ARHGAP8: variants seen among roughly 807,000 people sequenced by gnomAD.
ARHGAP8 encodes Rho GTPase activating protein 8, also known as rho GTPase-activating protein 8.
A neutral mutation model predicts 46.1 loss-of-function variants in ARHGAP8; 62 were observed. That is an observed-to-expected ratio of 1.34 (90% CI 1.10 to 1.66). The LOEUF (loss-of-function observed/expected upper bound fraction) is 1.66, where lower values mean the gene tolerates loss of function less well. Among genes scored for constraint, ARHGAP8 ranks in the 40% most tolerant of loss-of-function variants. The probability of loss-of-function intolerance (pLI) is 0.00; values close to 1 mark genes in which losing one functional copy is unlikely to be tolerated. For synonymous variants in ARHGAP8, 375 were observed against 243.1 expected, an observed-to-expected ratio of 1.54 and a Z score of -5.05; for missense variants, 923 against 568.4, an observed-to-expected ratio of 1.62 and a Z score of -6.34.
At chr22:44,862,251 T>C in intron 11 of ARHGAP8, 24 bp from the exon 12 acceptor site, 1 of 1,560,828 alleles carries the variant, frequency 6.4e-7, no homozygotes, top group Non-Finnish European at 8.7e-7. Context: ...TCACTCCCCT[T>C]TACTTGTGTG....
intron 1 of ARHGAP8, among the ~76,000 whole-genome samples, chr22:44,783,076 C>A (rs1201793543): frequency 6.6e-6 from 1 of 151,672 alleles, no homozygotes; most frequent in African/African-American, 2.4e-5. Context: ...TCCCTCCCTC[C>A]CTCTGGGCCA....
chr22:44,801,724 A>C (rs1928566554), intron 2 of ARHGAP8: 1 of 248,358 alleles, frequency 4.0e-6, no homozygotes, highest in African/African-American at 2.2e-5. Flanking sequence ...TTGGAGGAGG[A>C]GGTAGAGTGG....
At chr22:44,775,208 A>G (rs1926333656) in intron 1 of ARHGAP8, among the ~76,000 whole-genome samples, 1 of 152,200 alleles carries the variant, frequency 6.6e-6, no homozygotes, top group Non-Finnish European at 1.5e-5. Context: ...TGAAAGGAGA[A>G]TGAGCACTCT....
At chr22:44,801,469 G>GC (rs1195539811) in intron 2 of ARHGAP8, among the ~76,000 whole-genome samples, 1 of 56,252 alleles carries the variant, frequency 1.8e-5, no homozygotes, top group African/African-American at 6.5e-5. Flanking sequence ...GTGTGTGGGG[G>GC]CACCTCTCCC....
chr22:44,862,715 T>G lies in ARHGAP8; in HGVS notation c.*120T>G. On this transcript the variant is annotated 3_prime_UTR_variant, in exon 12 of 12. Transcript: ENST00000356099. ...ATTAGATGAATTCAGAACCTTCTAA[T>G]GAAAACTCCATGCCTCTGGTCCTTG... is the stretch of plus-strand genomic sequence containing the variant. The G allele has an allele frequency of 8.1e-7, 1 of 1,240,058 alleles. No homozygotes were observed. The allele number at this position is 1,240,058 out of a possible 1,614,324, so 76.8% of individuals were successfully genotyped here.
In ARHGAP8 at chr22:44,805,656, G is replaced by A. The variant is rs143069574; in HGVS notation, c.168-2651G>A. On this transcript the variant is annotated intron_variant, in intron 3 of 11. Coordinates refer to ENST00000356099, the MANE Select transcript of ARHGAP8 (RefSeq NM_181335.3). ...ACCTGGTGCTTTTTTCACTCAGCGT[G>A]GGACAAGCATCTGCCCAGAGGAAAA... Among the ~76,000 whole-genome samples the A allele has an allele frequency of 2.0e-3, 310 of 152,290 alleles. 3 individuals are homozygous for A. Among genetic ancestry groups the A allele is most frequent in the African/African-American group, 6.9e-3 (285 of 41,556 alleles).
chr22:44,753,410 A>G (rs1218786875), intron 1 of ARHGAP8, among the ~76,000 whole-genome samples: 1 of 151,966 alleles, frequency 6.6e-6, no homozygotes, highest in Non-Finnish European at 1.5e-5. Context: ...TAGTACAGAC[A>G]GGGTTTCACC....
chr22:44,858,285 ATGTGGCTGAG>A (rs2070295925), intron 10 of ARHGAP8, among the ~76,000 whole-genome samples: 1 of 151,810 alleles, frequency 6.6e-6, no homozygotes, highest in South Asian at 2.1e-4. Flanking sequence ...ATAGGCATGC[ATGTGGCTGAG>A]TGCACACATG....
chr22:44,784,771 T>A (rs1927092480), intron 1 of ARHGAP8, among the ~76,000 whole-genome samples: 1 of 152,230 alleles, frequency 6.6e-6, no homozygotes, highest in Non-Finnish European at 1.5e-5. Context: ...CTGGGAGGCC[T>A]CTGTTCTGCC....
chr22:44,861,402 T>C (rs188223048), intron 11 of ARHGAP8, among the ~76,000 whole-genome samples: 1 of 152,192 alleles, frequency 6.6e-6, no homozygotes, highest in Non-Finnish European at 1.5e-5. Context: ...GGCCTCGGCT[T>C]GAGGAGGGGT....
At chr22:44,859,590 T>C (rs1226879500) in intron 10 of ARHGAP8, 141 bp from the exon 11 acceptor site, 3 of 806,456 alleles carry the variant, frequency 3.7e-6, no homozygotes, top group East Asian at 2.7e-5. Context: ...GGCCAGAAGA[T>C]AAGTGGGGGT....
chr22:44,810,539 C>T (rs574847770), intron 4 of ARHGAP8, among the ~76,000 whole-genome samples: 6 of 152,308 alleles, frequency 3.9e-5, no homozygotes, highest in South Asian at 2.1e-4. Flanking sequence ...TGTGCCCAGC[C>T]GGCAGGCTTT....
intron 5 of ARHGAP8, among the ~76,000 whole-genome samples, chr22:44,817,108 G>A (rs563372034): frequency 6.6e-6 from 1 of 151,170 alleles, no homozygotes; most frequent in Non-Finnish European, 1.5e-5. Context: ...CTGGTCTCAA[G>A]CTCCTGACCT....
At chr22:44,837,580 C>A (rs1931371215) in intron 7 of ARHGAP8, among the ~76,000 whole-genome samples, 1 of 152,180 alleles carries the variant, frequency 6.6e-6, no homozygotes, top group Non-Finnish European at 1.5e-5. Flanking sequence ...CCCTGGGCAT[C>A]CCCACCCAGC....
intron 8 of ARHGAP8, among the ~76,000 whole-genome samples, chr22:44,846,304 T>C (rs556898666): frequency 1.2e-4 from 18 of 152,340 alleles, no homozygotes; most frequent in Non-Finnish European, 2.4e-4. Flanking sequence ...ATTTCCTCTT[T>C]GGAGCAGGCC....
chr22:44,774,576 G>A (rs889199732), intron 1 of ARHGAP8, among the ~76,000 whole-genome samples: 9 of 143,348 alleles, frequency 6.3e-5, no homozygotes, highest in Non-Finnish European at 1.0e-4. Flanking sequence ...AGGCTGGAGT[G>A]CAATGGCACA....
At position 44,786,547 on chromosome 22, in the gene ARHGAP8, C is replaced by T. The variant is rs201858623; in HGVS notation, c.20C>T (p.Ala7Val). The change falls in exon 2 of 12, where the codon GCG becomes GTG. Residue 7 changes from alanine (A) to valine (V), a missense_variant. Coordinates refer to ENST00000356099, the MANE Select transcript of ARHGAP8 (RefSeq NM_181335.3). MAGQDP[A>V]LSTSHPFYDV... is the part of the protein sequence containing the mutation. ...GTGCCCATGGCTGGCCAGGATCCTGCGCTGAGCACGAGTCACCCGTTCTAC... is the reference window on the plus strand; with the variant it reads ...GTGCCCATGGCTGGCCAGGATCCTGTGCTGAGCACGAGTCACCCGTTCTAC... 51 of 1,613,140 alleles carry T rather than the reference C, an allele frequency of 3.2e-5. No homozygotes were observed. Among genetic ancestry groups the T allele is most frequent in the African/African-American group, 4.0e-5 (3 of 75,022 alleles).
intron 7 of ARHGAP8, among the ~76,000 whole-genome samples, chr22:44,835,735 G>A (rs1213908468): frequency 6.6e-6 from 1 of 152,186 alleles, no homozygotes; most frequent in Non-Finnish European, 1.5e-5. Context: ...TGATCTGATG[G>A]TGATCTTATT....
chr22:44,860,754 C>G (rs937371527), intron 11 of ARHGAP8, among the ~76,000 whole-genome samples: 9 of 124,602 alleles, frequency 7.2e-5, no homozygotes, highest in African/African-American at 2.1e-4. Context: ...ACCTGTGCAG[C>G]CAACAGGGGA....
Sources: allele counts gnomAD v4.1 joint callset (sites outside exome capture counted in the v4.1 genomes callset), GRCh38; gene constraint gnomAD v4.1.1; transcripts MANE v1.5; gene names NCBI Gene and HGNC (gene_info 2026-07-23, HGNC 2026-07-21).